GPC6: variants seen among roughly 807,000 people sequenced by gnomAD.
The protein encoded by GPC6 is glypican-6.
GPC6 carries 14 observed loss-of-function variants against 55.2 expected under a neutral mutation model. The ratio of observed to expected loss-of-function variants is 0.25; its 90% CI spans 0.17 to 0.40. The LOEUF is 0.40. Ranked by LOEUF, GPC6 falls within the 10% of genes least tolerant of loss-of-function variation. The pLI is 1.00. For synonymous variants in GPC6, 278 were observed against 259.6 expected, an observed-to-expected ratio of 1.07 and a Z score of -0.68; for missense variants, 641 against 708.5, an observed-to-expected ratio of 0.90 and a Z score of 1.08.
intron 1 of GPC6, among the ~76,000 whole-genome samples, chr13:93,348,178 T>A (rs1163270845): frequency 6.6e-6 from 1 of 152,188 alleles, no homozygotes; most frequent in African/African-American, 2.4e-5. Context: ...CCCGTGGTGT[T>A]TTCTTCAGCA....
chr13:93,501,121 G>C (rs1390394665), intron 1 of GPC6, among the ~76,000 whole-genome samples: 1 of 152,084 alleles, frequency 6.6e-6, no homozygotes, highest in Non-Finnish European at 1.5e-5. Context: ...AAAAACACTT[G>C]TACTGTTTCC....
chr13:93,516,837 T>TGCC, intron 1 of GPC6, among the ~76,000 whole-genome samples: 1 of 152,194 alleles, frequency 6.6e-6, no homozygotes, highest in East Asian at 1.9e-4. Context: ...CCTCCAGCTT[T>TGCC]TGAATTGGGT....
chr13:93,407,362 G>A (rs1876332945), intron 1 of GPC6, among the ~76,000 whole-genome samples: 1 of 151,852 alleles, frequency 6.6e-6, no homozygotes, highest in African/African-American at 2.4e-5. Flanking sequence ...CTTTCTTGAA[G>A]GTTAGAAAAT....
intron 1 of GPC6, among the ~76,000 whole-genome samples, chr13:93,247,299 G>A (rs2139023450): frequency 6.6e-6 from 1 of 152,262 alleles, no homozygotes; most frequent in Admixed American, 6.5e-5. Flanking sequence ...AAATGTTTTT[G>A]CAGAGTTTAG....
At chr13:94,319,408 C>T (rs896339545) in intron 6 of GPC6, among the ~76,000 whole-genome samples, 1 of 152,110 alleles carries the variant, frequency 6.6e-6, no homozygotes, top group African/African-American at 2.4e-5. Context: ...GGGATAATTT[C>T]GTTCTGTCTT....
intron 3 of GPC6, among the ~76,000 whole-genome samples, chr13:93,959,468 G>T (rs939369351): frequency 1.3e-5 from 2 of 152,096 alleles, no homozygotes; most frequent in Non-Finnish European, 2.9e-5. Context: ...CAGCCTATTT[G>T]TATGATTTTT....
chr13:93,811,249 A>C (rs771015257), intron 2 of GPC6, among the ~76,000 whole-genome samples: 1 of 152,330 alleles, frequency 6.6e-6, no homozygotes, highest in Non-Finnish European at 1.5e-5. Flanking sequence ...TTATTCCACA[A>C]TCAATTTGCA....
At chr13:93,341,542 C>T (rs1208297536) in intron 1 of GPC6, among the ~76,000 whole-genome samples, 2 of 152,042 alleles carry the variant, frequency 1.3e-5, no homozygotes, top group Admixed American at 6.6e-5. Context: ...TGTGTACATC[C>T]TCTTTTGAGA....
At chr13:94,100,776 T>C (rs1430443459) in intron 4 of GPC6, among the ~76,000 whole-genome samples, 1 of 152,236 alleles carries the variant, frequency 6.6e-6, no homozygotes, top group African/African-American at 2.4e-5. Context: ...GACTGTTGAC[T>C]CTTATTGGCC....
intron 3 of GPC6, among the ~76,000 whole-genome samples, chr13:93,990,677 C>CTGTTG (rs1881257717): frequency 1.3e-5 from 2 of 150,480 alleles, no homozygotes; most frequent in East Asian, 3.9e-4. Flanking sequence ...GGCAACATAG[C>CTGTTG]AAGACCCATC....
intron 1 of GPC6, among the ~76,000 whole-genome samples, chr13:93,506,016 G>A (rs898684491): frequency 2.0e-5 from 3 of 152,152 alleles, no homozygotes; most frequent in African/African-American, 7.2e-5. Flanking sequence ...TTCTCCTGTT[G>A]TTGTCATTGG....
chr13:94,226,398 T>C (rs981314951), intron 4 of GPC6, among the ~76,000 whole-genome samples: 1 of 152,114 alleles, frequency 6.6e-6, no homozygotes, highest in Non-Finnish European at 1.5e-5. Context: ...TGTTGTGTTT[T>C]TCAAAATAGC....
rs117536022 is a variant in GPC6 at position 93,668,159 on chromosome 13, G to A, written c.319+122738G>A. ...GGCATGGAATCTTGCAAGAAATTCA[G>A]TCACTTATGCTTGACTCCTGCTCTC... On this transcript the variant is annotated intron_variant, in intron 2 of 8. Transcript: ENST00000377047. 4.0e-3 allele frequency among the ~76,000 whole-genome samples: 606 copies of A among 152,280 alleles called. 6 individuals are homozygous for A. Among genetic ancestry groups the A allele is most frequent in the South Asian group, 0.019 (93 of 4,824 alleles).
chr13:93,591,974 G>T (rs528223675), intron 2 of GPC6, among the ~76,000 whole-genome samples: 1 of 152,068 alleles, frequency 6.6e-6, no homozygotes, highest in Non-Finnish European at 1.5e-5. Context: ...TTAAATTAAG[G>T]ATATATTCTT....
chr13:94,303,629 G>C (rs958673694), intron 5 of GPC6, among the ~76,000 whole-genome samples: 28 of 152,162 alleles, frequency 1.8e-4, no homozygotes, highest in African/African-American at 6.8e-4. Flanking sequence ...TTAGAAGTCA[G>C]TGTTTTCCTC....
rs192122219 is a variant in GPC6, at chr13:93,349,117, G to T, written c.160+121501G>T. Among the ~76,000 whole-genome samples, 115 of 152,228 alleles carry T rather than the reference G, an allele frequency of 7.6e-4. 1 individual carries two copies. The highest frequency in any genetic ancestry group is 3.4e-3 in the Middle Eastern group (1 of 292). On this transcript the variant is annotated intron_variant, in intron 1 of 8. Transcript: ENST00000377047. ...TATCAACATAATTTGGCCTTTACTA[G>T]TTCAGAAGAGAAATGAATTCGGTCA...
At chr13:94,375,120 A>G (rs1879777898) in intron 6 of GPC6, among the ~76,000 whole-genome samples, 1 of 150,890 alleles carries the variant, frequency 6.6e-6, no homozygotes, top group Non-Finnish European at 1.5e-5. Flanking sequence ...GAAAGATCCA[A>G]AATTGACACC....
At chr13:94,038,224 G>A (rs1352631596) in intron 4 of GPC6, among the ~76,000 whole-genome samples, 1 of 151,846 alleles carries the variant, frequency 6.6e-6, no homozygotes, top group Non-Finnish European at 1.5e-5. Flanking sequence ...ATCACCATAT[G>A]TAGCTACTGG....
At chr13:93,240,036 G>A (rs1260484362) in intron 1 of GPC6, among the ~76,000 whole-genome samples, 1 of 152,042 alleles carries the variant, frequency 6.6e-6, no homozygotes, top group East Asian at 1.9e-4. Context: ...ATTGGAACTT[G>A]TTTTGTGGCC....
Sources: gnomAD v4.1 joint callset for allele counts (sites outside exome capture counted in the v4.1 genomes callset) on GRCh38, gnomAD v4.1.1 for gene constraint, MANE v1.5 for transcripts, NCBI Gene and HGNC (gene_info 2026-07-23, HGNC 2026-07-21) for gene names.